PDE7A: variants seen among roughly 807,000 people sequenced by gnomAD.
PDE7A encodes the protein high affinity 3',5'-cyclic-AMP phosphodiesterase 7A.
A neutral mutation model predicts 64.3 loss-of-function variants in PDE7A; 39 were observed. The observed-to-expected ratio is 0.61, with a 90% CI of 0.47 to 0.79. PDE7A has a LOEUF of 0.79. Among genes scored for constraint, PDE7A ranks in the 30% least tolerant of loss-of-function variants. The pLI, the probability that PDE7A is intolerant of heterozygous loss-of-function variation, is 0.00. For synonymous variants in PDE7A, 203 were observed against 206.8 expected (o/e 0.98, Z 0.16); for missense variants, 470 against 582.8 (o/e 0.81, Z 1.99).
intron 11 of PDE7A, 91 bp downstream of exon 11, chr8:65,724,164 G>T (rs1806510104): frequency 1.3e-6 from 1 of 755,968 alleles, no homozygotes; most frequent in Non-Finnish European, 2.3e-6. Flanking sequence ...TCTACTGCTA[G>T]ACCCATATAA....
At chr8:65,741,652 A>G (rs1175351649) in intron 5 of PDE7A, among the ~76,000 whole-genome samples, 1 of 152,256 alleles carries the variant, frequency 6.6e-6, no homozygotes, top group African/African-American at 2.4e-5. Flanking sequence ...CTCTATTGGT[A>G]CAAACACGAG....
chr8:65,744,913 A>G (rs1005641260), intron 5 of PDE7A, among the ~76,000 whole-genome samples: 1 of 152,136 alleles, frequency 6.6e-6, no homozygotes, highest in Non-Finnish European at 1.5e-5. Flanking sequence ...AAAGAGAAAA[A>G]AATGATGCTC....
At chr8:65,793,406 T>TA (rs1265417820) in intron 1 of PDE7A, among the ~76,000 whole-genome samples, 4 of 151,280 alleles carry the variant, frequency 2.6e-5, no homozygotes, top group East Asian at 3.9e-4. Context: ...TTCAAAAATT[T>TA]AAAAAAAATT....
intron 3 of PDE7A, among the ~76,000 whole-genome samples, chr8:65,751,074 G>A (rs1284216605): frequency 6.6e-6 from 1 of 152,172 alleles, no homozygotes; most frequent in Non-Finnish European, 1.5e-5. Context: ...AGGACATGGA[G>A]CCTGTCTAGA....
intron 1 of PDE7A, among the ~76,000 whole-genome samples, chr8:65,805,727 GCTGC>G (rs1275760370): frequency 1.3e-5 from 2 of 152,068 alleles, no homozygotes; most frequent in African/African-American, 4.8e-5. Context: ...GTGTCTTGCT[GCTGC>G]CTAAGACACA....
intron 1 of PDE7A, among the ~76,000 whole-genome samples, chr8:65,817,769 T>C (rs950586322): frequency 6.3e-4 from 73 of 115,404 alleles, no homozygotes; most frequent in Middle Eastern, 4.8e-3. Flanking sequence ...TTTTTTTTTT[T>C]CGAGATGGAG....
At chr8:65,798,206 A>ATATATATATATTTT in intron 1 of PDE7A, among the ~76,000 whole-genome samples, 23 of 73,800 alleles carry the variant, frequency 3.1e-4, no homozygotes, top group African/African-American at 8.7e-4. Context: ...ATATATATAT[A>ATATATATATATTTT]TTTTTTTTTT....
chr8:65,723,598 A>T lies in PDE7A; in HGVS notation c.1186T>A (p.Leu396Met), dbSNP rs765514694. ...CGATCGCAAAGTGGACTCACACCCA[A>T]ATGATATTTTTTTTCTATATCTCCT... ...HQGDIEKKYH[L>M]GVSPLCDRHT... The change falls in exon 12 of 13, where the codon TTG (leucine) becomes ATG (methionine). Residue 396 changes from leucine (L) to methionine (M), a missense_variant. Coordinates refer to ENST00000401827, the MANE Select transcript of PDE7A (RefSeq NM_001242318.3). 1 of 1,576,722 alleles carries T rather than the reference A, an allele frequency of 6.3e-7. No homozygotes were observed. The highest frequency in any genetic ancestry group is 8.6e-7 in the Non-Finnish European group (1 of 1,165,358).
chr8:65,787,406 T>C (rs1003185537), intron 1 of PDE7A, among the ~76,000 whole-genome samples: 10 of 152,180 alleles, frequency 6.6e-5, no homozygotes, highest in African/African-American at 2.4e-4. Flanking sequence ...TAGCAAAAGA[T>C]GAAGCCCAGC....
At chr8:65,786,894 C>G (rs1444605478) in intron 1 of PDE7A, among the ~76,000 whole-genome samples, 3 of 152,196 alleles carry the variant, frequency 2.0e-5, no homozygotes, top group Non-Finnish European at 4.4e-5. Flanking sequence ...ACAAGTTAAA[C>G]TGTAAAGCAC....
At chr8:65,813,515 T>C (rs1464327015) in intron 1 of PDE7A, among the ~76,000 whole-genome samples, 1 of 152,192 alleles carries the variant, frequency 6.6e-6, no homozygotes. Flanking sequence ...ATTGTAAATA[T>C]TGAAAATGAT....
rs972418030 is a variant in PDE7A, at chr8:65,796,737, T to C, written c.139-13894A>G. 4.6e-5 allele frequency among the ~76,000 whole-genome samples: 7 copies of C among 152,188 alleles called. No individual in the cohort carries two copies. In the East Asian group the frequency reaches 5.8e-4, roughly 13 times the overall value. On this transcript the variant is annotated intron_variant, in intron 1 of 12. Transcript: ENST00000401827. ...CTATTAAAAAAATCCATAGCCATCA[T>C]TGTACTTAACAATAAGACTAAATAT...
At chr8:65,724,387 A>G in intron 10 of PDE7A, 36 bp from the exon 11 acceptor site, 1 of 1,400,506 alleles carries the variant, frequency 7.1e-7, no homozygotes, top group African/African-American at 1.4e-5. Flanking sequence ...TTTAAGATAT[A>G]TACACACTTG....
intron 12 of PDE7A, 104 bp downstream of exon 12, chr8:65,723,437 A>G (rs1221833105): frequency 9.1e-7 from 1 of 1,093,358 alleles, no homozygotes; most frequent in East Asian, 3.4e-5. Context: ...TTTTAAAAAT[A>G]GAAATGAGCA....
intron 6 of PDE7A, among the ~76,000 whole-genome samples, chr8:65,735,099 G>C (rs1214197727): frequency 6.6e-6 from 1 of 152,100 alleles, no homozygotes; most frequent in Non-Finnish European, 1.5e-5. Context: ...TGCTATCATG[G>C]ACGAACAGAC....
intron 1 of PDE7A, among the ~76,000 whole-genome samples, chr8:65,796,946 C>A (rs62507648): frequency 0.048 from 7,360 of 152,020 alleles, 255 homozygotes; most frequent in Non-Finnish European, 0.069. Context: ...AAAGACCCTA[C>A]AAAAGAGCTA....
chr8:65,759,385 G>A (rs897970662), intron 3 of PDE7A, among the ~76,000 whole-genome samples: 2 of 152,204 alleles, frequency 1.3e-5, no homozygotes, highest in South Asian at 2.1e-4. Flanking sequence ...TCAGGGATCC[G>A]CCAGAATGAC....
intron 3 of PDE7A, among the ~76,000 whole-genome samples, chr8:65,757,831 C>A (rs781009680): frequency 1.3e-5 from 2 of 152,176 alleles, no homozygotes; most frequent in Admixed American, 6.5e-5. Flanking sequence ...ATTGGCCAGG[C>A]TGGTCTCGAT....
chr8:65,775,659 G>A (rs764555929), intron 3 of PDE7A, among the ~76,000 whole-genome samples: 7 of 152,126 alleles, frequency 4.6e-5, no homozygotes, highest in African/African-American at 9.7e-5. Flanking sequence ...ACGAAGTCTC[G>A]CTCTGTAGCC....
Sources: allele counts gnomAD v4.1 joint callset (sites outside exome capture counted in the v4.1 genomes callset), GRCh38; gene constraint gnomAD v4.1.1; transcripts MANE v1.5; gene names NCBI Gene and HGNC (gene_info 2026-07-23, HGNC 2026-07-21).